Variants in KYAT3 observed in about 807,000 individuals in gnomAD.
KYAT3 encodes kynurenine aminotransferase 3, also known as kynurenine--oxoglutarate transaminase 3.
A neutral mutation model predicts 59.0 loss-of-function variants in KYAT3; 50 were observed. That is an observed-to-expected ratio of 0.85 (90% CI 0.68 to 1.07). The LOEUF (loss-of-function observed/expected upper bound fraction) is 1.07, where lower values mean the gene tolerates loss of function less well. Among genes scored for constraint, KYAT3 ranks in the 50% least tolerant of loss-of-function variants. The pLI is 0.00. For synonymous variants in KYAT3, 148 were observed against 177.0 expected (o/e 0.84, Z 1.30); for missense variants, 497 against 533.3 (o/e 0.93, Z 0.67).
rs747507619 is a variant in KYAT3, at chr1:88,964,994, TA to T, written c.304-17del. On this transcript the variant is annotated splice_polypyrimidine_tract_variant and intron_variant, in intron 4 of 13. Coordinates refer to ENST00000260508, the MANE Select transcript of KYAT3 (RefSeq NM_001008661.3). ...ATGGATGGCCCTGTTGGATTAAAAA[TA>T]AGAACAAAACCTTGAATTTAAATAT... 1.3e-6 allele frequency: 2 copies of T among 1,586,752 alleles called. No individual in the cohort carries two copies. Among genetic ancestry groups the T allele is most frequent in the South Asian group, 2.4e-5 (2 of 84,458 alleles).
At chr1:88,962,004 T>C (rs1250163395) in intron 6 of KYAT3, 55 bp downstream of exon 6, 5 of 1,256,460 alleles carry the variant, frequency 4.0e-6, no homozygotes, top group Non-Finnish European at 4.7e-6. Flanking sequence ...ATTGGTATTT[T>C]CAAGACTTCT....
At chr1:88,940,259 A>G (rs1675186730) in intron 13 of KYAT3, among the ~76,000 whole-genome samples, 2 of 151,952 alleles carry the variant, frequency 1.3e-5, no homozygotes, top group South Asian at 4.1e-4. Flanking sequence ...TTTAGTAGAG[A>G]TGGGGTTTCA....
chr1:88,952,175 A>C (rs1675700408), intron 10 of KYAT3, among the ~76,000 whole-genome samples: 1 of 152,230 alleles, frequency 6.6e-6, no homozygotes, highest in Non-Finnish European at 1.5e-5. Flanking sequence ...ACCAGTAGGA[A>C]ACTTAATATG....
At chr1:88,950,635 T>G (rs1675630284) in intron 10 of KYAT3, among the ~76,000 whole-genome samples, 1 of 152,166 alleles carries the variant, frequency 6.6e-6, no homozygotes, top group South Asian at 2.1e-4. Context: ...ACATATCCCA[T>G]ATGTAACCTA....
At chr1:88,964,689 G>C in intron 5 of KYAT3, 140 bp downstream of exon 5, 1 of 706,796 alleles carries the variant, frequency 1.4e-6, no homozygotes, top group Non-Finnish European at 2.5e-6. Flanking sequence ...TAAGATTTGT[G>C]AACTTTACTG....
chr1:88,981,032 T>C (rs746059715), intron 2 of KYAT3: 1 of 152,244 alleles, frequency 6.6e-6, no homozygotes, highest in Non-Finnish European at 1.5e-5. Flanking sequence ...CTCAAGTCTG[T>C]TTCCTTTGAG....
chr1:88,982,811 T>C (rs1376147381), intron 2 of KYAT3: 1 of 1,613,988 alleles, frequency 6.2e-7, no homozygotes, highest in Admixed American at 1.7e-5. Context: ...GCCAACCCTG[T>C]CACAACTTGA....
chr1:88,943,257 T>A, intron 12 of KYAT3, 93 bp downstream of exon 12: 1 of 998,332 alleles, frequency 1.0e-6, no homozygotes, highest in Non-Finnish European at 1.5e-6. Flanking sequence ...ATAACAACAT[T>A]ACATTTGATC....
intron 2 of KYAT3, among the ~76,000 whole-genome samples, chr1:88,972,971 G>A (rs568285879): frequency 6.6e-6 from 1 of 152,306 alleles, no homozygotes; most frequent in Admixed American, 6.5e-5. Context: ...TCCTCCGGAT[G>A]TAATCTTATG....
chr1:88,963,330 C>T (rs188791558), intron 5 of KYAT3, among the ~76,000 whole-genome samples: 1 of 152,182 alleles, frequency 6.6e-6, no homozygotes, highest in African/African-American at 2.4e-5. Flanking sequence ...AAGTATGAGA[C>T]AAAACTATGT....
chr1:88,989,565 T>A (rs1677667033), intron 1 of KYAT3, among the ~76,000 whole-genome samples: 2 of 152,256 alleles, frequency 1.3e-5, no homozygotes, highest in African/African-American at 4.8e-5. Flanking sequence ...CAGCTGAAAC[T>A]TTGGAAAATG....
At position 88,953,072 on chromosome 1, in the gene KYAT3, A is replaced by G; in HGVS notation, c.945T>C (p.Thr315=). ...TTACTATAACACTTACCTGTAAAGGAGTTGCACAAGTATAAATCGTGTTTT... is the reference window on the plus strand; with the variant it reads ...TTACTATAACACTTACCTGTAAAGGGGTTGCACAAGTATAAATCGTGTTTT... ...VQQNTIYTCA[T]PLQEALAQAF... The change falls in exon 10 of 14, where the codon ACT becomes ACC. Residue 315 remains threonine (T), a synonymous_variant. Transcript: ENST00000260508. 1 of 1,602,138 alleles carries G rather than the reference A, an allele frequency of 6.2e-7. No individual in the cohort carries two copies. Among genetic ancestry groups the G allele is most frequent in the Non-Finnish European group, 8.6e-7 (1 of 1,169,122 alleles).
rs189980891 is a variant in KYAT3 at position 88,947,484 on chromosome 1, T to C, written c.1141+1607A>G. Among the ~76,000 whole-genome samples, 326 of 152,290 alleles carry C rather than the reference T, an allele frequency of 2.1e-3. 1 individual carries two copies. The highest frequency in any genetic ancestry group is 2.5e-3 in the Non-Finnish European group (171 of 68,016). On this transcript the variant is annotated intron_variant, in intron 11 of 13. Transcript: ENST00000260508. ...AGTGGCTATCTCTGTGGAAATAAAC[T>C]GGATACAGGTCAGATGAGAGCCACA... is the stretch of plus-strand genomic sequence containing the variant.
intron 10 of KYAT3, among the ~76,000 whole-genome samples, chr1:88,950,382 G>T (rs1675620641): frequency 6.6e-6 from 1 of 152,150 alleles, no homozygotes; most frequent in African/African-American, 2.4e-5. Flanking sequence ...GCCTTAGCCT[G>T]GAAATCTGTG....
the KYAT3 span, among the ~76,000 whole-genome samples, chr1:88,929,700 A>C: frequency 6.6e-6 from 1 of 152,220 alleles, no homozygotes; most frequent in African/African-American, 2.4e-5. Context: ...TCCAAACCAA[A>C]GGCTCAGCTC....
the KYAT3 span, among the ~76,000 whole-genome samples, chr1:88,928,715 A>T: frequency 2.6e-5 from 4 of 152,106 alleles, no homozygotes; most frequent in African/African-American, 9.7e-5. Flanking sequence ...CAGGTATGCT[A>T]GACCATTGAG....
chr1:88,992,657 T>G (rs1677887013), upstream of KYAT3: 1 of 152,828 alleles, frequency 6.5e-6, no homozygotes, highest in African/African-American at 2.4e-5. Flanking sequence ...TGGGCGGGAT[T>G]CGGACGCGGG....
the KYAT3 span, among the ~76,000 whole-genome samples, chr1:88,925,091 A>G: frequency 5.3e-5 from 8 of 152,280 alleles, no homozygotes; most frequent in African/African-American, 1.9e-4. Flanking sequence ...TTCACTTGCT[A>G]TTCTGTCCTA....
the KYAT3 span, among the ~76,000 whole-genome samples, chr1:88,921,936 T>C: frequency 4.6e-5 from 7 of 152,204 alleles, no homozygotes; most frequent in Non-Finnish European, 1.0e-4. Context: ...ATTTAAATAT[T>C]AATCTCATCA....
Sources: allele counts gnomAD v4.1 joint callset (sites outside exome capture counted in the v4.1 genomes callset), GRCh38; gene constraint gnomAD v4.1.1; transcripts MANE v1.5; gene names NCBI Gene and HGNC (gene_info 2026-07-23, HGNC 2026-07-21).